Variants in WDFY2 observed in about 807,000 individuals in gnomAD.
The protein encoded by WDFY2 is WD repeat and FYVE domain-containing protein 2.
WDFY2 carries 36 observed loss-of-function variants against 56.4 expected under a neutral mutation model. The ratio of observed to expected loss-of-function variants is 0.64; its 90% CI spans 0.49 to 0.84. The LOEUF is 0.84. Among genes scored for constraint, WDFY2 ranks in the 40% least tolerant of loss-of-function variants. The pLI, the probability that WDFY2 is intolerant of heterozygous loss-of-function variation, is 0.00. For synonymous variants in WDFY2, 176 were observed against 183.7 expected (o/e 0.96, Z 0.34); for missense variants, 444 against 512.2 (o/e 0.87, Z 1.29).
intron 1 of WDFY2, among the ~76,000 whole-genome samples, chr13:51,654,259 A>G (rs191046417): frequency 2.6e-5 from 4 of 152,330 alleles, no homozygotes; most frequent in Admixed American, 2.6e-4. Flanking sequence ...GGAAAAGCAC[A>G]GTATTAGGGT....
intron 3 of WDFY2, among the ~76,000 whole-genome samples, chr13:51,684,237 C>G (rs1956023125): frequency 6.6e-6 from 1 of 152,128 alleles, no homozygotes; most frequent in African/African-American, 2.4e-5. Context: ...CAGCTTGTTT[C>G]CTGGATTGGA....
intron 7 of WDFY2, among the ~76,000 whole-genome samples, chr13:51,739,490 G>T (rs1432741508): frequency 6.6e-6 from 1 of 151,824 alleles, no homozygotes; most frequent in Non-Finnish European, 1.5e-5. Context: ...AAAAAAAAAA[G>T]CTTGAAAATA....
intron 6 of WDFY2, among the ~76,000 whole-genome samples, chr13:51,735,991 G>T (rs1387765146): frequency 6.6e-6 from 1 of 152,032 alleles, no homozygotes; most frequent in Non-Finnish European, 1.5e-5. Context: ...ACCCCTTCTG[G>T]CCTGATATAA....
chr13:51,727,239 G>C (rs1952623303), intron 5 of WDFY2, among the ~76,000 whole-genome samples: 1 of 151,998 alleles, frequency 6.6e-6, no homozygotes, highest in African/African-American at 2.4e-5. Context: ...ATTCTGTTCT[G>C]TTAGTCTATT....
intron 4 of WDFY2, among the ~76,000 whole-genome samples, chr13:51,704,014 CAG>C (rs1044113725): frequency 8.5e-5 from 13 of 152,274 alleles, no homozygotes; most frequent in African/African-American, 2.2e-4. Context: ...TAAAAGTGCT[CAG>C]AGTGTGTTGT....
At chr13:51,709,241 T>C (rs1052115485) in intron 4 of WDFY2, among the ~76,000 whole-genome samples, 14 of 152,200 alleles carry the variant, frequency 9.2e-5, no homozygotes, top group African/African-American at 2.7e-4. Context: ...TGGAGAAATA[T>C]TTATCAAGAC....
chr13:51,644,384 T>C (rs879639201), intron 1 of WDFY2, among the ~76,000 whole-genome samples: 1 of 152,198 alleles, frequency 6.6e-6, no homozygotes, highest in Non-Finnish European at 1.5e-5. Flanking sequence ...TCTCACCTGG[T>C]ATATGGGTCC....
chr13:51,624,770 C>G (rs899252508), intron 1 of WDFY2, among the ~76,000 whole-genome samples: 4 of 152,152 alleles, frequency 2.6e-5, no homozygotes, highest in African/African-American at 9.7e-5. Context: ...GAGCAAAGAT[C>G]TGAAGGAGGT....
chr13:51,712,448 A>T (rs759541721), intron 4 of WDFY2, among the ~76,000 whole-genome samples: 1 of 152,160 alleles, frequency 6.6e-6, no homozygotes, highest in Admixed American at 6.5e-5. Context: ...ATAATAATAA[A>T]AAAAATGAAA....
chr13:51,668,543 A>G (rs920445113), intron 2 of WDFY2, among the ~76,000 whole-genome samples: 12 of 152,250 alleles, frequency 7.9e-5, no homozygotes, highest in African/African-American at 2.9e-4. Context: ...GAGTACTGCA[A>G]ATCTAATAAA....
At chr13:51,666,817 A>G (rs577704223) in intron 2 of WDFY2, among the ~76,000 whole-genome samples, 176 of 152,276 alleles carry the variant, frequency 1.2e-3, no homozygotes, top group African/African-American at 3.7e-3. Flanking sequence ...GCCATTTCAA[A>G]TGGTAGGTAA....
chr13:51,735,335 C>T (rs773144302), intron 6 of WDFY2, among the ~76,000 whole-genome samples: 14 of 152,208 alleles, frequency 9.2e-5, no homozygotes, highest in Non-Finnish European at 1.5e-4. Flanking sequence ...GATACATAAC[C>T]CAAAGTCTGC....
At chr13:51,629,826 C>CTTTTTTT (rs11432630) in intron 1 of WDFY2, among the ~76,000 whole-genome samples, 23 of 125,102 alleles carry the variant, frequency 1.8e-4, no homozygotes, top group East Asian at 6.8e-4. Flanking sequence ...TCTTTCTTTT[C>CTTTTTTT]TTTTTTTTTT....
intron 6 of WDFY2, 96 bp from the exon 7 acceptor site, chr13:51,738,953 G>A: frequency 7.7e-7 from 1 of 1,302,850 alleles, no homozygotes; most frequent in Non-Finnish European, 1.0e-6. Flanking sequence ...TGTATGCCAG[G>A]AACTGCACTA....
chr13:51,701,380 G>T (rs1167346760), intron 3 of WDFY2, among the ~76,000 whole-genome samples: 1 of 151,784 alleles, frequency 6.6e-6, no homozygotes, highest in Non-Finnish European at 1.5e-5. Context: ...AATTAGCCAG[G>T]CATGGTGGCA....
intron 7 of WDFY2, 138 bp downstream of exon 7, chr13:51,739,313 T>C: frequency 9.6e-7 from 1 of 1,042,698 alleles, no homozygotes; most frequent in Non-Finnish European, 1.3e-6. Flanking sequence ...CTGGCCACTT[T>C]GATTTATAAC....
At chr13:51,684,466 G>A (rs1013400386) in intron 3 of WDFY2, among the ~76,000 whole-genome samples, 3 of 151,480 alleles carry the variant, frequency 2.0e-5, no homozygotes, top group East Asian at 3.9e-4. Context: ...TGAGGCTCCC[G>A]AAGGTTCTGC....
chr13:51,696,015 T>C (rs1185079134), intron 3 of WDFY2, among the ~76,000 whole-genome samples: 1 of 152,228 alleles, frequency 6.6e-6, no homozygotes, highest in Non-Finnish European at 1.5e-5. Context: ...GGGCCGTTTT[T>C]AAAGCCCATC....
Position 51,584,528 on chromosome 13 carries a change from G to C in WDFY2, c.-160G>C, listed in dbSNP as rs1953895182. 4.8e-6 allele frequency: 5 copies of C among 1,038,232 alleles called. No homozygotes were observed. The highest frequency in any genetic ancestry group is 6.7e-6 in the Non-Finnish European group (5 of 746,886). The allele number at this position is 1,038,232 out of a possible 1,614,324, so 64.3% of individuals were successfully genotyped here. ...TGCCTGAAGCAGGGAGCGCGGAGTCGTTCCCGAGAGAGGCGGCCAGGCTAT... is the reference window on the plus strand; with the variant it reads ...TGCCTGAAGCAGGGAGCGCGGAGTCCTTCCCGAGAGAGGCGGCCAGGCTAT... On this transcript the variant is annotated 5_prime_UTR_variant, in exon 1 of 12. Coordinates refer to ENST00000298125, the MANE Select transcript of WDFY2 (RefSeq NM_052950.4).
Sources: allele counts gnomAD v4.1 joint callset (sites outside exome capture counted in the v4.1 genomes callset), GRCh38; gene constraint gnomAD v4.1.1; transcripts MANE v1.5; gene names NCBI Gene and HGNC (gene_info 2026-07-23, HGNC 2026-07-21).